The following BCL11B variants were observed in gnomAD, a reference collection of about 807,000 sequenced individuals.
BCL11B encodes BCL11 transcription factor B, also known as B-cell lymphoma/leukemia 11B.
In BCL11B, 8 loss-of-function variants were observed where a neutral mutation model predicts 49.9. The ratio of observed to expected loss-of-function variants is 0.16; its 90% CI spans 0.09 to 0.29. The LOEUF is 0.29. Among genes scored for constraint, BCL11B ranks in the 10% least tolerant of loss-of-function variants. The probability of loss-of-function intolerance (pLI) is 1.00; values close to 1 mark genes in which losing one functional copy is unlikely to be tolerated. For missense variants in BCL11B, 1,006 were observed against 1,351.0 expected, an observed-to-expected ratio of 0.74 and a Z score of 4.00; for synonymous variants, 739 against 637.4, an observed-to-expected ratio of 1.16 and a Z score of -2.40.
chr14:99,218,091 A>T (rs1887905059), intron 3 of BCL11B, among the ~76,000 whole-genome samples: 1 of 129,076 alleles, frequency 7.7e-6, no homozygotes, highest in Non-Finnish European at 1.6e-5. Context: ...TTTGAGACAG[A>T]GTCTCACTCT....
rs1887738530 is a variant in BCL11B at position 99,213,275 on chromosome 14, A to T, written c.640+18070T>A. Among the ~76,000 whole-genome samples, 1 of 152,226 alleles carries T rather than the reference A, an allele frequency of 6.6e-6. No individual in the cohort carries two copies. Among genetic ancestry groups the T allele is most frequent in the African/African-American group, 2.4e-5 (1 of 41,456 alleles). ...CCTGGGTGTGCCAGCACAAAAGAGG[A>T]TGAAGGCCCCGAGCTGCTCCCTCTC... On this transcript the variant is annotated intron_variant, in intron 3 of 3. Transcript: ENST00000357195. The surrounding 1 kb of genome is among the most constrained non-coding windows in gnomAD (Gnocchi z 5.1).
In BCL11B at chr14:99,242,533, G is replaced by A. The variant is rs771491342; in HGVS notation, c.428-10976C>T. 2.0e-5 allele frequency among the ~76,000 whole-genome samples: 3 copies of A among 152,144 alleles called. No homozygotes were observed. The highest frequency in any genetic ancestry group is 4.4e-5 in the Non-Finnish European group (3 of 68,024). ...CAGGTATCTGCCGTTCCCCACTCCA[G>A]CCCCAGTGCCAGTGAACAGGGGCTG... On this transcript the variant is annotated intron_variant, in intron 2 of 3. Coordinates refer to ENST00000357195, the MANE Select transcript of BCL11B (RefSeq NM_138576.4). The surrounding 1 kb of genome is among the most constrained non-coding windows in gnomAD (Gnocchi z 4.4).
At chr14:99,201,836 C>T (rs1273383880) in intron 3 of BCL11B, among the ~76,000 whole-genome samples, 1 of 152,204 alleles carries the variant, frequency 6.6e-6, no homozygotes, top group Non-Finnish European at 1.5e-5. Context: ...CGGTGCCTCA[C>T]ACTGCTCCCG....
chr14:99,249,149 C>A (rs1382487979), intron 2 of BCL11B, among the ~76,000 whole-genome samples: 1 of 152,148 alleles, frequency 6.6e-6, no homozygotes, highest in Non-Finnish European at 1.5e-5. Flanking sequence ...GGAAATCACT[C>A]ATTGCCCAGC....
At chr14:99,239,718 C>T (rs950993190) in intron 2 of BCL11B, among the ~76,000 whole-genome samples, 4 of 152,124 alleles carry the variant, frequency 2.6e-5, no homozygotes, top group Admixed American at 1.3e-4. Context: ...AATCCTGACA[C>T]GTGTTAAGAA....
At chr14:99,214,009 C>T (rs1288924476) in intron 3 of BCL11B, among the ~76,000 whole-genome samples, 9 of 152,094 alleles carry the variant, frequency 5.9e-5, no homozygotes, top group African/African-American at 2.2e-4. Flanking sequence ...GCAGGCAGAA[C>T]CTGGGCTCAA....
intron 3 of BCL11B, among the ~76,000 whole-genome samples, chr14:99,178,933 G>A (rs1195027320): frequency 1.3e-5 from 2 of 152,108 alleles, no homozygotes; most frequent in Non-Finnish European, 2.9e-5. Flanking sequence ...CCTGGGAAGT[G>A]CTCCAAAGCA....
At chr14:99,259,112 G>A (rs543459546) in intron 1 of BCL11B, among the ~76,000 whole-genome samples, 17 of 152,166 alleles carry the variant, frequency 1.1e-4, no homozygotes, top group African/African-American at 1.2e-4. Context: ...GTCAGTAGTC[G>A]TAGAGAAGAC....
At position 99,174,578 on chromosome 14, in the gene BCL11B, G is replaced by C; in HGVS notation, c.2258C>G (p.Ser753Cys). Reference protein sequence around the residue: ...HSSENGSLRFSTPPGDLLDGG... With the variant: ...HSSENGSLRFCTPPGDLLDGG... ...GTCCAGCAGGTCCCCGGGCGGCGTGGAGAAGCGCAGGCTGCCGTTCTCGGA... is the reference window on the plus strand; with the variant it reads ...GTCCAGCAGGTCCCCGGGCGGCGTGCAGAAGCGCAGGCTGCCGTTCTCGGA... The change falls in exon 4 of 4, where the codon TCC (serine) becomes TGC (cysteine). Residue 753 changes from serine (S) to cysteine (C), a missense_variant. Physicochemically the swap from Ser to Cys is moderately radical, Grantham distance 112 (BLOSUM62 -1). Around this residue, in one of 6 missense-constraint regions of BCL11B, gnomAD observed 443 missense variants for 499.7 expected, o/e 0.89. Transcript: ENST00000357195. 2.0e-6 allele frequency: 3 copies of C among 1,522,128 alleles called. No individual in the cohort carries two copies. Among genetic ancestry groups the C allele is most frequent in the Non-Finnish European group, 2.6e-6 (3 of 1,137,668 alleles). The allele number at this position is 1,522,128 out of a possible 1,614,324, so 94.3% of individuals were successfully genotyped here.
In BCL11B at chr14:99,213,662, T is replaced by TGGGCA. The variant is rs1887750300; in HGVS notation, c.640+17678_640+17682dup. ...CCACAGGCTGCAGAGTCCATGAGCT[T>TGGGCA]GGGCAGAGCACAAAGGTCTAAGGGG... On this transcript the variant is annotated intron_variant, in intron 3 of 3. Coordinates refer to ENST00000357195, the MANE Select transcript of BCL11B (RefSeq NM_138576.4). This position sits in a 1 kb window ranked among gnomAD's most constrained non-coding sequence, Gnocchi z 5.1. Among the ~76,000 whole-genome samples, 1 of 152,142 alleles carries TGGGCA rather than the reference T, an allele frequency of 6.6e-6. No individual in the cohort carries two copies. The highest frequency in any genetic ancestry group is 2.4e-5 in the African/African-American group (1 of 41,444).
chr14:99,213,002 G>A lies in BCL11B; in HGVS notation c.640+18343C>T, dbSNP rs757618711. ...TGGGAGGATAAAATAACATCACTGA[G>A]GGAACAAAACCAAGCCTGTCTCCAC... is the stretch of plus-strand genomic sequence containing the variant. On this transcript the variant is annotated intron_variant, in intron 3 of 3. Coordinates refer to ENST00000357195, the MANE Select transcript of BCL11B (RefSeq NM_138576.4). The surrounding 1 kb of genome is among the most constrained non-coding windows in gnomAD (Gnocchi z 5.1). 6.6e-5 allele frequency among the ~76,000 whole-genome samples: 10 copies of A among 152,216 alleles called. No individual in the cohort carries two copies. Among genetic ancestry groups the A allele is most frequent in the Non-Finnish European group, 1.3e-4 (9 of 68,036 alleles).
At position 99,170,963 on chromosome 14, in the gene BCL11B, C is replaced by G. The variant is rs988931795; in HGVS notation, c.*3188G>C. Reference sequence around the variant, plus strand: ...AGGGCGGGAGAGGTGGTGGTGGTGACCGCCACAGGAGTGATGGTAGAGAAG... The same window carrying G: ...AGGGCGGGAGAGGTGGTGGTGGTGAGCGCCACAGGAGTGATGGTAGAGAAG... On this transcript the variant is annotated 3_prime_UTR_variant, in exon 4 of 4. Transcript: ENST00000357195. The G allele has an allele frequency of 5.2e-5, 12 of 232,468 alleles. No individual in the cohort carries two copies. Among genetic ancestry groups the G allele is most frequent in the African/African-American group, 2.0e-4 (9 of 45,286 alleles). The allele number at this position is 232,468 out of a possible 1,614,324, so 14.4% of individuals were successfully genotyped here.
chr14:99,263,689 C>G (rs533166662), intron 1 of BCL11B, among the ~76,000 whole-genome samples: 1 of 152,308 alleles, frequency 6.6e-6, no homozygotes, highest in African/African-American at 2.4e-5. Flanking sequence ...ACCGCCTTCT[C>G]TCCCCCACTG....
chr14:99,184,998 G>T lies in BCL11B; in HGVS notation c.641-8803C>A. ...TTGACAGCCAGATTTTCACAAAAAC[G>T]CCAGTGAGTCTTGGTTTCCTCCCTC... is the stretch of plus-strand genomic sequence containing the variant. On this transcript the variant is annotated intron_variant, in intron 3 of 3. Transcript: ENST00000357195. The surrounding 1 kb of genome is among the most constrained non-coding windows in gnomAD (Gnocchi z 6.1). 6.6e-6 allele frequency among the ~76,000 whole-genome samples: 1 copy of T among 152,258 alleles called. No individual in the cohort carries two copies. The highest frequency in any genetic ancestry group is 1.9e-4 in the East Asian group (1 of 5,176).
At position 99,174,896 on chromosome 14, in the gene BCL11B, GCGCCCGCGTCCCCGCAGC is replaced by G. The variant is rs1356809517; in HGVS notation, c.1922_1939del (p.Gly641_Gly646del). On this transcript the variant is annotated inframe_deletion, in exon 4 of 4. Coordinates refer to ENST00000357195, the MANE Select transcript of BCL11B (RefSeq NM_138576.4). ...CCCGCGCCCGTTGACCGCGCCGCCC[GCGCCCGCGTCCCCGCAGC>G]CGCCCGCGTCGTCGTCGTCGCCCGC... 3 of 1,080,412 alleles carry G rather than the reference GCGCCCGCGTCCCCGCAGC, an allele frequency of 2.8e-6. No individual in the cohort carries two copies. The highest frequency in any genetic ancestry group is 5.5e-5 in the Admixed American group (1 of 18,122). 66.9% of individuals were successfully genotyped at this position (1,080,412 alleles called of 1,614,324 possible). A position where few individuals can be genotyped will look rare whatever the true frequency, so the allele number is the denominator to read the frequency against.
chr14:99,244,423 T>C (rs557007006), intron 2 of BCL11B, among the ~76,000 whole-genome samples: 1 of 152,304 alleles, frequency 6.6e-6, no homozygotes, highest in South Asian at 2.1e-4. Context: ...TTCATCTTTC[T>C]TTCTGTAAAG....
chr14:99,205,205 T>TCAAGAGA lies in BCL11B; in HGVS notation c.640+26133_640+26139dup, dbSNP rs1258482506. Among the ~76,000 whole-genome samples the TCAAGAGA allele has an allele frequency of 6.6e-6, 1 of 151,858 alleles. No homozygotes were observed. Among genetic ancestry groups the TCAAGAGA allele is most frequent in the African/African-American group, 2.4e-5 (1 of 41,318 alleles). On this transcript the variant is annotated intron_variant, in intron 3 of 3. Transcript: ENST00000357195. This position sits in a 1 kb window ranked among gnomAD's most constrained non-coding sequence, Gnocchi z 5.0. Reference sequence around the variant, plus strand: ...ACGAACCGAGGGCCCTCCTGGGCTGTCAAGAGAGAATTCTACAGCTGGTAG... The same window carrying TCAAGAGA: ...ACGAACCGAGGGCCCTCCTGGGCTGTCAAGAGACAAGAGAGAATTCTACAGCTGGTAG...
At chr14:99,182,326 A>G (rs1886729024) in intron 3 of BCL11B, among the ~76,000 whole-genome samples, 1 of 152,084 alleles carries the variant, frequency 6.6e-6, no homozygotes, top group Admixed American at 6.5e-5. Context: ...ACGGGAAGAG[A>G]TAGGGGATCC....
rs184872261 is a variant in BCL11B at position 99,219,411 on chromosome 14, G to A, written c.640+11934C>T. On this transcript the variant is annotated intron_variant, in intron 3 of 3. Transcript: ENST00000357195. ...CGGCAGCCCTGGGACACCAATACAG[G>A]ACAATAGAGAGAAAGCACAACCACT... is the stretch of plus-strand genomic sequence containing the variant. Among the ~76,000 whole-genome samples, 51 of 152,260 alleles carry A rather than the reference G, an allele frequency of 3.3e-4. 1 individual carries two copies. The Middle Eastern group carries it at 0.017, about 51-fold the overall frequency.
Sources: gnomAD v4.1 joint callset for allele counts (sites outside exome capture counted in the v4.1 genomes callset) on GRCh38, gnomAD v4.1.1 for gene constraint, gnomAD v4.1.1 regional missense constraint, Gnocchi (gnomAD v3.1) non-coding constraint, MANE v1.5 for transcripts, NCBI Gene and HGNC (gene_info 2026-07-23, HGNC 2026-07-21) for gene names.